The following TRMT6 variants were observed in gnomAD, a reference collection of about 807,000 sequenced individuals.
TRMT6 encodes tRNA methyltransferase 6 non-catalytic subunit, also known as tRNA (adenine(58)-N(1))-methyltransferase non-catalytic subunit TRM6.
A neutral mutation model predicts 59.0 loss-of-function variants in TRMT6; 34 were observed. The observed-to-expected ratio is 0.58, with a 90% CI of 0.44 to 0.77. The LOEUF is 0.77. Ranked by LOEUF, TRMT6 falls within the 30% of genes least tolerant of loss-of-function variation. The pLI is 0.00. For synonymous variants in TRMT6, 217 were observed against 210.5 expected (o/e 1.03, Z -0.27); for missense variants, 575 against 604.5 (o/e 0.95, Z 0.51).
Position 5,943,943 on chromosome 20 carries a change from C to T in TRMT6, c.542+5G>A, listed in dbSNP as rs367935073. ...ATTATACTTTTGAAAGGAAACAAAG[C>T]GTACTTAATTTTTCCAGGTTCTCTT... On this transcript the variant is annotated splice_donor_5th_base_variant and intron_variant, in intron 5 of 10. Coordinates refer to ENST00000203001, the MANE Select transcript of TRMT6 (RefSeq NM_015939.5). The T allele has an allele frequency of 1.2e-5, 20 of 1,602,896 alleles. No individual in the cohort carries two copies. The African/African-American group carries it at 1.6e-4, about 13-fold the overall frequency.
chr20:5,944,724 G>T, intron 3 of TRMT6, 81 bp downstream of exon 3: 3 of 1,003,868 alleles, frequency 3.0e-6, no homozygotes, highest in South Asian at 1.4e-5. Flanking sequence ...TTTTACCTTA[G>T]GTACAGTCTG....
intron 10 of TRMT6, among the ~76,000 whole-genome samples, chr20:5,939,876 C>T (rs935766224): frequency 3.3e-5 from 5 of 152,140 alleles, no homozygotes; most frequent in African/African-American, 9.6e-5. Flanking sequence ...ACGGGGCCTA[C>T]GGCAGCATGG....
At chr20:5,939,406 G>A (rs1431291853) in intron 10 of TRMT6, among the ~76,000 whole-genome samples, 6 of 151,644 alleles carry the variant, frequency 4.0e-5, no homozygotes, top group South Asian at 2.1e-4. Flanking sequence ...GCTTGAACCC[G>A]GGAGGCAGAG....
At chr20:5,944,494 AGAGAG>A (rs1249194795) in intron 3 of TRMT6, among the ~76,000 whole-genome samples, 2 of 152,244 alleles carry the variant, frequency 1.3e-5, no homozygotes, top group African/African-American at 4.8e-5. Context: ...CAAAAGGAGA[AGAGAG>A]GTAAAGGAAA....
At chr20:5,942,150 T>TA in intron 7 of TRMT6, 114 bp from the exon 8 acceptor site, 1 of 962,558 alleles carries the variant, frequency 1.0e-6, no homozygotes, top group Middle Eastern at 3.2e-4. Flanking sequence ...ACTAAACCAA[T>TA]AGAAGCAGGT....
intron 10 of TRMT6, among the ~76,000 whole-genome samples, chr20:5,939,022 C>T (rs936719050): frequency 1.3e-5 from 2 of 151,794 alleles, no homozygotes; most frequent in South Asian, 2.1e-4. Flanking sequence ...ACTGTAACCT[C>T]GAACTCCTGG....
At chr20:5,942,269 A>T in intron 7 of TRMT6, 159 bp downstream of exon 7, 1 of 784,670 alleles carries the variant, frequency 1.3e-6, no homozygotes, top group African/African-American at 1.7e-5. Flanking sequence ...CCGAAGACCG[A>T]ATCACACGTT....
intron 1 of TRMT6, among the ~76,000 whole-genome samples, chr20:5,948,224 A>G (rs1227166950): frequency 6.6e-6 from 1 of 152,168 alleles, no homozygotes; most frequent in Non-Finnish European, 1.5e-5. Flanking sequence ...GATGCGTGTC[A>G]CTTAAAACTG....
At chr20:5,946,085 A>C (rs2088703382) in intron 2 of TRMT6, among the ~76,000 whole-genome samples, 1 of 152,210 alleles carries the variant, frequency 6.6e-6, no homozygotes, top group Non-Finnish European at 1.5e-5. Context: ...CCATATGCTA[A>C]CCACCTCACA....
At chr20:5,950,193 G>A (rs1272623236) in intron 1 of TRMT6, 85 bp downstream of exon 1, 17 of 1,421,962 alleles carry the variant, frequency 1.2e-5, no homozygotes, top group East Asian at 2.6e-5. Context: ...GCACCCTGGC[G>A]GAAGAATTCT....
intron 1 of TRMT6, among the ~76,000 whole-genome samples, chr20:5,947,337 G>A (rs2088716491): frequency 6.6e-6 from 1 of 152,170 alleles, no homozygotes; most frequent in Non-Finnish European, 1.5e-5. Flanking sequence ...CTGAATTCTG[G>A]GAATCATGTG....
At chr20:5,948,293 G>A (rs1244216305) in intron 1 of TRMT6, among the ~76,000 whole-genome samples, 1 of 152,156 alleles carries the variant, frequency 6.6e-6, no homozygotes. Context: ...GAGGGATAAG[G>A]AGGCCACATC....
chr20:5,947,217 T>C (rs1212608908), intron 1 of TRMT6, among the ~76,000 whole-genome samples: 2 of 152,232 alleles, frequency 1.3e-5, no homozygotes, highest in Non-Finnish European at 2.9e-5. Context: ...AATCTGTGTC[T>C]GACCCCAAGC....
In TRMT6 at chr20:5,938,422, A is replaced by G. The variant is rs773947217; in HGVS notation, c.*113T>C. 27 of 1,126,284 alleles carry G rather than the reference A, an allele frequency of 2.4e-5. No individual in the cohort carries two copies. Among genetic ancestry groups the G allele is most frequent in the Non-Finnish European group, 3.2e-5 (25 of 783,112 alleles). The allele number at this position is 1,126,284 out of a possible 1,614,324, so 69.8% of individuals were successfully genotyped here. ...ACTCCTCCTTCCTAGAAACGGGTAC[A>G]TAGACATGTTCTTATTCTTGGGATA... On this transcript the variant is annotated 3_prime_UTR_variant, in exon 11 of 11. Coordinates refer to ENST00000203001, the MANE Select transcript of TRMT6 (RefSeq NM_015939.5).
rs2088626119 is a variant in TRMT6, at chr20:5,938,435, T to C, written c.*100A>G. The stretch of plus-strand genomic sequence containing the variant: ...AGAAACGGGTACATAGACATGTTCT[T>C]ATTCTTGGGATATGAAAAAACAAGT... On this transcript the variant is annotated 3_prime_UTR_variant, in exon 11 of 11. Coordinates refer to ENST00000203001, the MANE Select transcript of TRMT6 (RefSeq NM_015939.5). 10 of 1,228,070 alleles carry C rather than the reference T, an allele frequency of 8.1e-6. No homozygotes were observed. The highest frequency in any genetic ancestry group is 1.1e-5 in the Non-Finnish European group (10 of 870,176). The allele number at this position is 1,228,070 out of a possible 1,614,324, so 76.1% of individuals were successfully genotyped here.
Position 5,942,441 on chromosome 20 carries a change from C to T in TRMT6, c.1013G>A (p.Ser338Asn), listed in dbSNP as rs147046203. 3 of 1,587,592 alleles carry T rather than the reference C, an allele frequency of 1.9e-6. No individual in the cohort carries two copies. Among genetic ancestry groups the T allele is most frequent in the Non-Finnish European group, 2.6e-6 (3 of 1,156,328 alleles). The change falls in exon 7 of 11, where the codon AGC becomes AAC. Residue 338 changes from serine to asparagine, a missense_variant. Physicochemically the swap from Ser to Asn is conservative, Grantham distance 46 (BLOSUM62 1). Transcript: ENST00000203001. ...PEHKGPKERGSKKDYIQEKQR... is the reference protein window; with the variant it reads ...PEHKGPKERGNKKDYIQEKQR... Reference sequence around the variant, plus strand: ...TGGCATCCTTACATAATCTTTTTTGCTTCCTCTCTCTTTAGGCCCCTTATG... The same window carrying T: ...TGGCATCCTTACATAATCTTTTTTGTTTCCTCTCTCTTTAGGCCCCTTATG...
intron 1 of TRMT6, among the ~76,000 whole-genome samples, chr20:5,949,844 T>TA (rs1568561897): frequency 6.6e-6 from 1 of 152,000 alleles, no homozygotes; most frequent in Non-Finnish European, 1.5e-5. Context: ...GATGAGATCC[T>TA]AAAGTGAAGA....
chr20:5,939,335 G>T (rs564833582), intron 10 of TRMT6, among the ~76,000 whole-genome samples: 1 of 152,084 alleles, frequency 6.6e-6, no homozygotes, highest in African/African-American at 2.4e-5. Flanking sequence ...ACAAAAATTA[G>T]CCAGGCGTGG....
chr20:5,947,887 C>CA (rs1025608920), intron 1 of TRMT6, among the ~76,000 whole-genome samples: 6 of 151,954 alleles, frequency 3.9e-5, no homozygotes, highest in African/African-American at 1.5e-4. Flanking sequence ...TCCGTCTCTA[C>CA]AAAAAATAAA....
Sources: gnomAD v4.1 joint callset for allele counts (sites outside exome capture counted in the v4.1 genomes callset) on GRCh38, gnomAD v4.1.1 for gene constraint, MANE v1.5 for transcripts, NCBI Gene and HGNC (gene_info 2026-07-23, HGNC 2026-07-21) for gene names.